ZBTB16: variants seen among roughly 807,000 people sequenced by gnomAD.
The protein encoded by ZBTB16 is zinc finger and BTB domain containing 16, also known as zinc finger and BTB domain-containing protein 16.
In ZBTB16, 8 loss-of-function variants were observed where a neutral mutation model predicts 56.8. That is an observed-to-expected ratio of 0.14 (90% CI 0.08 to 0.25). The LOEUF (loss-of-function observed/expected upper bound fraction) is 0.25, where lower values mean the gene tolerates loss of function less well. Ranked by LOEUF, ZBTB16 falls within the 10% of genes least tolerant of loss-of-function variation. The pLI, the probability that ZBTB16 is intolerant of heterozygous loss-of-function variation, is 1.00. For missense variants in ZBTB16, 625 were observed against 903.0 expected, an observed-to-expected ratio of 0.69 and a Z score of 3.95; for synonymous variants, 363 against 368.5, an observed-to-expected ratio of 0.98 and a Z score of 0.17.
chr11:114,081,855 G>A (rs560978897), intron 2 of ZBTB16, among the ~76,000 whole-genome samples: 1 of 152,216 alleles, frequency 6.6e-6, no homozygotes, highest in African/African-American at 2.4e-5. Flanking sequence ...GTCAGACTGT[G>A]GTGCTATAAA....
At chr11:114,203,373 G>T (rs1339967321) in intron 4 of ZBTB16, among the ~76,000 whole-genome samples, 1 of 152,110 alleles carries the variant, frequency 6.6e-6, no homozygotes, top group Non-Finnish European at 1.5e-5. Context: ...ATTAGATAGT[G>T]GTGGTGATGG....
chr11:114,157,674 A>C (rs1407768191), intron 3 of ZBTB16, among the ~76,000 whole-genome samples: 1 of 152,188 alleles, frequency 6.6e-6, no homozygotes, highest in African/African-American at 2.4e-5. Context: ...GCCTTGCTGC[A>C]GGGCCCATGT....
chr11:114,072,092 T>C (rs1020081053), intron 2 of ZBTB16, among the ~76,000 whole-genome samples: 1 of 152,254 alleles, frequency 6.6e-6, no homozygotes, highest in African/African-American at 2.4e-5. Flanking sequence ...CTTGTCATTG[T>C]GTGAAGTAGG....
At chr11:114,214,185 A>G (rs907205506) in intron 4 of ZBTB16, among the ~76,000 whole-genome samples, 1 of 152,218 alleles carries the variant, frequency 6.6e-6, no homozygotes, top group Non-Finnish European at 1.5e-5. Context: ...GTAAGGGGAC[A>G]GTGCCTTACT....
intron 2 of ZBTB16, among the ~76,000 whole-genome samples, chr11:114,121,229 C>T (rs902644548): frequency 2.6e-5 from 4 of 150,950 alleles, no homozygotes; most frequent in Non-Finnish European, 5.9e-5. Flanking sequence ...GGTGTAGATA[C>T]TCCCACCATG....
chr11:114,187,319 T>C (rs368364613), intron 4 of ZBTB16: 1 of 527,142 alleles, frequency 1.9e-6, no homozygotes, highest in Non-Finnish European at 3.4e-6. Context: ...TTCTTGGAGG[T>C]ATCTAGTATG....
At chr11:114,176,071 G>A (rs1413851346) in intron 3 of ZBTB16, among the ~76,000 whole-genome samples, 1 of 151,988 alleles carries the variant, frequency 6.6e-6, no homozygotes, top group Non-Finnish European at 1.5e-5. Flanking sequence ...GCCTGTGACG[G>A]AGCATTCTGA....
In ZBTB16 at chr11:114,094,131, C is replaced by T. The variant is rs200397048; in HGVS notation, c.1268+29563C>T. The stretch of plus-strand genomic sequence containing the variant: ...GAGATCGAGACCATCCTGGCTAACA[C>T]GGTGAAAGCCCGTCTCTACTAAAAA... On this transcript the variant is annotated intron_variant, in intron 2 of 6. Transcript: ENST00000335953. Among the ~76,000 whole-genome samples the T allele has an allele frequency of 3.2e-4, 48 of 152,140 alleles. No individual in the cohort carries two copies. In the East Asian group the frequency reaches 8.2e-3, roughly 26 times the overall value.
At chr11:114,107,992 G>A (rs238919) in intron 2 of ZBTB16, among the ~76,000 whole-genome samples, 2 of 151,514 alleles carry the variant, frequency 1.3e-5, no homozygotes, top group South Asian at 2.1e-4. Flanking sequence ...TTATTATGAT[G>A]ATTATTATCA....
intron 4 of ZBTB16, among the ~76,000 whole-genome samples, chr11:114,230,597 AT>A (rs1187979291): frequency 8.5e-6 from 1 of 118,204 alleles, no homozygotes; most frequent in Non-Finnish European, 1.6e-5. Context: ...AGTAAAAAGC[AT>A]TTAAATGCTG....
At chr11:114,198,913 AC>A (rs1240572285) in intron 4 of ZBTB16, among the ~76,000 whole-genome samples, 3 of 152,110 alleles carry the variant, frequency 2.0e-5, no homozygotes, top group Non-Finnish European at 4.4e-5. Flanking sequence ...CCCTTTCATC[AC>A]CCCAGCACAT....
intron 3 of ZBTB16, among the ~76,000 whole-genome samples, chr11:114,161,565 A>T (rs1942590107): frequency 6.6e-6 from 1 of 152,192 alleles, no homozygotes; most frequent in Non-Finnish European, 1.5e-5. Flanking sequence ...AGGGTAACAG[A>T]ACAGCATTTT....
chr11:114,186,913 A>T, intron 3 of ZBTB16, 39 bp from the exon 4 acceptor site: 1 of 1,600,714 alleles, frequency 6.2e-7, no homozygotes, highest in Non-Finnish European at 8.6e-7. Context: ...TCACCAGTGG[A>T]CTATTGCTCT....
chr11:114,226,687 G>A (rs1944333295), intron 4 of ZBTB16, among the ~76,000 whole-genome samples: 1 of 152,110 alleles, frequency 6.6e-6, no homozygotes, highest in South Asian at 2.1e-4. Flanking sequence ...GAGGGACCAC[G>A]CTGCCCATGA....
chr11:114,232,824 G>A (rs964573510), intron 4 of ZBTB16, among the ~76,000 whole-genome samples: 4 of 152,162 alleles, frequency 2.6e-5, no homozygotes, highest in Non-Finnish European at 5.9e-5. Flanking sequence ...ACCCCCATGT[G>A]GGCCCATTGT....
intron 4 of ZBTB16, among the ~76,000 whole-genome samples, chr11:114,205,573 G>A (rs905012633): frequency 5.3e-5 from 8 of 152,104 alleles, no homozygotes; most frequent in Non-Finnish European, 7.3e-5. Context: ...CAGATGGGAC[G>A]CACGTTCCCC....
intron 4 of ZBTB16, among the ~76,000 whole-genome samples, chr11:114,229,474 C>G (rs1421262000): frequency 6.6e-6 from 1 of 152,076 alleles, no homozygotes; most frequent in African/African-American, 2.4e-5. Context: ...CTCTGTCATC[C>G]CTCCTGCATA....
intron 3 of ZBTB16, among the ~76,000 whole-genome samples, chr11:114,167,388 T>G (rs1173013083): frequency 1.9e-5 from 1 of 52,914 alleles, no homozygotes; most frequent in East Asian, 7.5e-4. Context: ...GTTTTTTTGT[T>G]TTTTTTTTTT....
At chr11:114,173,352 G>A (rs1192543418) in intron 3 of ZBTB16, among the ~76,000 whole-genome samples, 1 of 152,176 alleles carries the variant, frequency 6.6e-6, no homozygotes, top group East Asian at 1.9e-4. Flanking sequence ...CCCAGGGGAG[G>A]GGAAGGGAGG....
Sources: gnomAD v4.1 joint callset for allele counts (sites outside exome capture counted in the v4.1 genomes callset) on GRCh38, gnomAD v4.1.1 for gene constraint, MANE v1.5 for transcripts, NCBI Gene and HGNC (gene_info 2026-07-23, HGNC 2026-07-21) for gene names.